The following AHR variants were observed in gnomAD, a reference collection of about 807,000 sequenced individuals.
AHR encodes the protein aryl hydrocarbon receptor.
AHR carries 40 observed loss-of-function variants against 86.8 expected under a neutral mutation model. The observed-to-expected ratio is 0.46, with a 90% CI of 0.36 to 0.60. The LOEUF (loss-of-function observed/expected upper bound fraction) is 0.60. Among genes scored for constraint, AHR ranks in the 20% least tolerant of loss-of-function variants. The pLI, the probability that AHR is intolerant of heterozygous loss-of-function variation, is 0.00. For synonymous variants in AHR, 398 were observed against 354.9 expected (o/e 1.12, Z -1.37); for missense variants, 1,001 against 1,011.6 (o/e 0.99, Z 0.14).
At position 17,322,591 on chromosome 7, in the gene AHR, G is replaced by A. The variant is rs1463335799; in HGVS notation, c.344G>A (p.Gly115Glu). The change falls in exon 3 of 11, where the codon GGA (glycine) becomes GAA (glutamate). Residue 115 changes from glycine to glutamate, a missense_variant. Gly to Glu is a moderately conservative substitution (Grantham distance 98). Coordinates refer to ENST00000242057, the MANE Select transcript of AHR (RefSeq NM_001621.5). ...AGAGAAGGCCTGAACTTACAAGAAG[G>A]AGAATTCTTATTACAGGTAAATTTT... ...NFREGLNLQE[G>E]EFLLQALNGF... 6.2e-7 allele frequency: 1 copy of A among 1,607,774 alleles called. No individual in the cohort carries two copies. The highest frequency in any genetic ancestry group is 1.3e-5 in the African/African-American group (1 of 74,844).
At chr7:17,338,920 A>C (rs1023430256) in intron 9 of AHR, 66 bp from the exon 10 acceptor site, 1 of 1,403,980 alleles carries the variant, frequency 7.1e-7, no homozygotes, top group Non-Finnish European at 9.5e-7. Context: ...TTTCTTTTTT[A>C]AATTATTTTT....
rs114741090 is a variant in AHR at position 17,341,753 on chromosome 7, A to G, written c.2404-1168A>G. Among the ~76,000 whole-genome samples, 833 of 152,294 alleles carry G rather than the reference A, an allele frequency of 5.5e-3. 5 individuals carry two copies. Among genetic ancestry groups the G allele is most frequent in the African/African-American group, 0.019 (788 of 41,582 alleles). ...TAGTTTTTTCAGTAGCCGCATTACAAAAGTAAAAAGAAACAGGTAAAATTA... is the reference window on the plus strand; with the variant it reads ...TAGTTTTTTCAGTAGCCGCATTACAGAAGTAAAAAGAAACAGGTAAAATTA... On this transcript the variant is annotated intron_variant, in intron 10 of 10. Transcript: ENST00000242057.
At chr7:17,335,951 T>C (rs1782350626) in intron 9 of AHR, 165 bp downstream of exon 9, 1 of 642,642 alleles carries the variant, frequency 1.6e-6, no homozygotes, top group Non-Finnish European at 2.5e-6. Flanking sequence ...GAAGATAGAA[T>C]TGACGAACTT....
chr7:17,316,725 G>A (rs913685557), intron 2 of AHR, among the ~76,000 whole-genome samples: 50 of 152,174 alleles, frequency 3.3e-4, no homozygotes, highest in African/African-American at 1.1e-3. Flanking sequence ...TCATACAATT[G>A]TCATATTTAC....
At chr7:17,311,607 TG>T (rs1395003225) in intron 2 of AHR, among the ~76,000 whole-genome samples, 1 of 152,230 alleles carries the variant, frequency 6.6e-6, no homozygotes, top group Non-Finnish European at 1.5e-5. Context: ...AGTTGTGGTC[TG>T]GGCAATATAC....
At chr7:17,317,329 C>T (rs933193637) in intron 2 of AHR, among the ~76,000 whole-genome samples, 3 of 151,970 alleles carry the variant, frequency 2.0e-5, no homozygotes, top group African/African-American at 7.2e-5. Context: ...CAAATCTGGA[C>T]ACTTGGAAAA....
At chr7:17,318,623 C>T (rs1782139634) in intron 2 of AHR, among the ~76,000 whole-genome samples, 1 of 152,198 alleles carries the variant, frequency 6.6e-6, no homozygotes, top group African/African-American at 2.4e-5. Flanking sequence ...TACGGTACAG[C>T]AGATACTTCC....
chr7:17,345,962 C>T lies in AHR; in HGVS notation c.*2898C>T, dbSNP rs926333745. 6.5e-6 allele frequency: 1 copy of T among 152,686 alleles called. No individual in the cohort carries two copies. Among genetic ancestry groups the T allele is most frequent in the African/African-American group, 2.4e-5 (1 of 41,438 alleles). The allele number at this position is 152,686 out of a possible 1,614,324, so 9.5% of individuals were successfully genotyped here. On this transcript the variant is annotated 3_prime_UTR_variant, in exon 11 of 11. Transcript: ENST00000242057. ...TTCTAGTGTATTATGAAGCTTTCAA[C>T]ATTACTATGCACAAACTAGTGTTTT...
chr7:17,338,838 A>G (rs1782384154), intron 9 of AHR, 148 bp from the exon 10 acceptor site: 2 of 739,630 alleles, frequency 2.7e-6, no homozygotes, highest in African/African-American at 3.6e-5. Flanking sequence ...AGCACCAGTC[A>G]TGAGAATAAT....
At chr7:17,300,924 C>G (rs569658839) in intron 1 of AHR, among the ~76,000 whole-genome samples, 47 of 151,982 alleles carry the variant, frequency 3.1e-4, no homozygotes, top group African/African-American at 1.0e-3. Context: ...TATCAAAGGA[C>G]CTGGATGGCT....
chr7:17,338,595 A>G (rs150074784), intron 9 of AHR, among the ~76,000 whole-genome samples: 177 of 152,244 alleles, frequency 1.2e-3, no homozygotes, highest in African/African-American at 4.0e-3. Context: ...GGCTCAAGCA[A>G]TTCACACACA....
chr7:17,326,970 G>A (rs1290849525), intron 3 of AHR, among the ~76,000 whole-genome samples: 1 of 151,996 alleles, frequency 6.6e-6, no homozygotes, highest in Non-Finnish European at 1.5e-5. Flanking sequence ...TTATCCAAGA[G>A]GAGAATAAAG....
chr7:17,333,989 T>A lies in AHR; in HGVS notation c.783T>A (p.Pro261=). 1 of 1,613,514 alleles carries A rather than the reference T, an allele frequency of 6.2e-7. No individual in the cohort carries two copies. The highest frequency in any genetic ancestry group is 8.5e-7 in the Non-Finnish European group (1 of 1,179,542). The change falls in exon 7 of 11, where the codon CCT becomes CCA. Residue 261 remains proline (P), a synonymous_variant. Coordinates refer to ENST00000242057, the MANE Select transcript of AHR (RefSeq NM_001621.5). ...KKGKDGSILP[P]QLALFAIATP... is the part of the protein sequence containing the mutation. ...GGAAAGATGGATCAATACTTCCACC[T>A]CAGTTGGCTTTGTTTGCGATAGCTA... is the stretch of plus-strand genomic sequence containing the variant.
Position 17,326,645 on chromosome 7 carries a change from A to T in AHR, c.361-1114A>T, listed in dbSNP as rs376159218. On this transcript the variant is annotated intron_variant, in intron 3 of 10. Transcript: ENST00000242057. ...TTGAGTTAGGTGGGATATCGTCATT[A>T]TATCTACCTGATGAAGTGCCAGTTT... Among the ~76,000 whole-genome samples the T allele has an allele frequency of 4.6e-5, 7 of 152,298 alleles. No individual in the cohort carries two copies. In the East Asian group the frequency reaches 1.2e-3, roughly 25 times the overall value.
At chr7:17,335,595 A>G in intron 8 of AHR, 50 bp from the exon 9 acceptor site, 1 of 1,454,848 alleles carries the variant, frequency 6.9e-7, no homozygotes, top group Non-Finnish European at 9.3e-7. Flanking sequence ...AATAATCTTT[A>G]CTATATTGAT....
At chr7:17,334,399 G>A (rs1782333500) in intron 7 of AHR, among the ~76,000 whole-genome samples, 1 of 151,756 alleles carries the variant, frequency 6.6e-6, no homozygotes, top group African/African-American at 2.4e-5. Flanking sequence ...TTTTTAAATG[G>A]CACAAATGTT....
rs569030649 is a variant in AHR, at chr7:17,325,997, A to G, written c.361-1762A>G. ...AGAACCATGCACCAATTTGGGATCG[A>G]TAACACATAAAGGCAGCATATCATG... On this transcript the variant is annotated intron_variant, in intron 3 of 10. Coordinates refer to ENST00000242057, the MANE Select transcript of AHR (RefSeq NM_001621.5). 3.1e-4 allele frequency among the ~76,000 whole-genome samples: 47 copies of G among 152,324 alleles called. 1 individual carries two copies. The East Asian group carries it at 7.5e-3, about 24-fold the overall frequency.
chr7:17,328,379 G>C (rs1367946119), intron 4 of AHR, among the ~76,000 whole-genome samples: 1 of 151,986 alleles, frequency 6.6e-6, no homozygotes, highest in Non-Finnish European at 1.5e-5. Context: ...GTCATTGAAG[G>C]AAACAGACGT....
chr7:17,315,551 A>G (rs1782106803), intron 2 of AHR, among the ~76,000 whole-genome samples: 1 of 151,878 alleles, frequency 6.6e-6, no homozygotes, highest in Non-Finnish European at 1.5e-5. Flanking sequence ...GTCATTAGTC[A>G]TCATTTTTTT....
Sources: allele counts gnomAD v4.1 joint callset (sites outside exome capture counted in the v4.1 genomes callset), GRCh38; gene constraint gnomAD v4.1.1; transcripts MANE v1.5; gene names NCBI Gene and HGNC (gene_info 2026-07-23, HGNC 2026-07-21).